SND1: variants seen among roughly 807,000 people sequenced by gnomAD.
SND1 encodes staphylococcal nuclease domain-containing protein 1.
Under a neutral mutation model 121.7 loss-of-function variants are expected in SND1, and 38 were observed. That is an observed-to-expected ratio of 0.31 (90% CI 0.24 to 0.41). The LOEUF (loss-of-function observed/expected upper bound fraction) is 0.41, where lower values mean the gene tolerates loss of function less well. Among genes scored for constraint, SND1 ranks in the 10% least tolerant of loss-of-function variants. SND1 has a pLI of 1.00. For synonymous variants in SND1, 401 were observed against 447.4 expected (o/e 0.90, Z 1.31); for missense variants, 868 against 1,184.6 (o/e 0.73, Z 3.92).
At chr7:128,034,769 A>G (rs1160272679) in intron 16 of SND1, among the ~76,000 whole-genome samples, 3 of 152,196 alleles carry the variant, frequency 2.0e-5, no homozygotes, top group Non-Finnish European at 4.4e-5. Context: ...CCAGGAAAGC[A>G]CCACTGAACC....
At chr7:128,005,572 G>A (rs1802953903) in intron 16 of SND1, among the ~76,000 whole-genome samples, 1 of 152,186 alleles carries the variant, frequency 6.6e-6, no homozygotes, top group African/African-American at 2.4e-5. Context: ...CATTTGTCAT[G>A]AGCTATCCAT....
intron 12 of SND1, among the ~76,000 whole-genome samples, chr7:127,883,508 A>G (rs999499352): frequency 2.0e-5 from 3 of 152,150 alleles, no homozygotes; most frequent in Non-Finnish European, 4.4e-5. Context: ...CTGTACAAAG[A>G]GCATACCTTT....
intron 12 of SND1, among the ~76,000 whole-genome samples, chr7:127,852,188 AAAATAAAAT>A (rs1182074298): frequency 6.6e-6 from 1 of 151,388 alleles, no homozygotes; most frequent in Non-Finnish European, 1.5e-5. Flanking sequence ...TAAATAAAAT[AAAATAAAAT>A]AAATAAAAAA....
chr7:127,853,622 G>A (rs1052420236), intron 12 of SND1, among the ~76,000 whole-genome samples: 1 of 152,188 alleles, frequency 6.6e-6, no homozygotes, highest in Admixed American at 6.5e-5. Flanking sequence ...CCTGCTGGTA[G>A]AGATTTTACT....
At chr7:127,816,532 A>G (rs1402738428) in intron 11 of SND1, among the ~76,000 whole-genome samples, 1 of 152,122 alleles carries the variant, frequency 6.6e-6, no homozygotes, top group Non-Finnish European at 1.5e-5. Context: ...GTATTTGCTC[A>G]ATAGTTGGTG....
At chr7:127,791,424 A>T (rs1227340898) in intron 10 of SND1, among the ~76,000 whole-genome samples, 1 of 152,228 alleles carries the variant, frequency 6.6e-6, no homozygotes, top group Admixed American at 6.5e-5. Context: ...AACTGCTGGG[A>T]TTAAAGGCAT....
chr7:127,941,999 A>G (rs561172245), intron 15 of SND1, among the ~76,000 whole-genome samples: 3 of 149,470 alleles, frequency 2.0e-5, no homozygotes, highest in Non-Finnish European at 3.0e-5. Context: ...AAATAGGCAT[A>G]TTGCGTAGAG....
At chr7:127,940,978 G>GGAAGCCCAAGGAGCTGCTCT (rs984754346) in intron 15 of SND1, among the ~76,000 whole-genome samples, 3 of 152,240 alleles carry the variant, frequency 2.0e-5, no homozygotes, top group African/African-American at 4.8e-5. Flanking sequence ...GGGGCTCTGA[G>GGAAGCCCAAGGAGCTGCTCT]GAAGCCCAAG....
intron 15 of SND1, among the ~76,000 whole-genome samples, chr7:127,935,126 G>T (rs1022673535): frequency 6.6e-6 from 1 of 152,134 alleles, no homozygotes; most frequent in East Asian, 1.9e-4. Flanking sequence ...CATCAGAGTT[G>T]AGTTGATTAA....
chr7:128,056,562 G>A (rs1348560845), intron 16 of SND1, among the ~76,000 whole-genome samples: 2 of 152,170 alleles, frequency 1.3e-5, no homozygotes, highest in African/African-American at 4.8e-5. Context: ...TGTGTGTCAG[G>A]CGCCATGCTA....
chr7:127,826,088 G>A (rs1798638305), intron 11 of SND1, among the ~76,000 whole-genome samples: 1 of 152,310 alleles, frequency 6.6e-6, no homozygotes, highest in South Asian at 2.1e-4. Context: ...CTACTTGGGA[G>A]GCTGAGGCAG....
chr7:127,882,156 G>A (rs1401053338), intron 12 of SND1, among the ~76,000 whole-genome samples: 1 of 151,880 alleles, frequency 6.6e-6, no homozygotes, highest in Admixed American at 6.6e-5. Context: ...TCAGGGGGCT[G>A]GGGTAGGAGG....
chr7:127,777,523 A>G (rs1445751937), intron 10 of SND1, among the ~76,000 whole-genome samples: 1 of 152,214 alleles, frequency 6.6e-6, no homozygotes, highest in Non-Finnish European at 1.5e-5. Context: ...TTGGGGATGG[A>G]GACAAGGTCA....
At chr7:127,984,301 C>T (rs1398571389) in intron 15 of SND1, among the ~76,000 whole-genome samples, 1 of 152,198 alleles carries the variant, frequency 6.6e-6, no homozygotes, top group South Asian at 2.1e-4. Flanking sequence ...TGTAGTTAAA[C>T]CACGTTCTCT....
chr7:127,971,003 T>A (rs574540433), intron 15 of SND1, among the ~76,000 whole-genome samples: 10 of 152,320 alleles, frequency 6.6e-5, no homozygotes, highest in Non-Finnish European at 1.3e-4. Context: ...GGCCCCAGTG[T>A]GGATTGCCAT....
intron 15 of SND1, among the ~76,000 whole-genome samples, chr7:127,958,008 C>T (rs1233020779): frequency 6.6e-6 from 1 of 152,186 alleles, no homozygotes; most frequent in African/African-American, 2.4e-5. Context: ...AGCCTAGCCG[C>T]AGTTAATTGG....
intron 10 of SND1, among the ~76,000 whole-genome samples, chr7:127,797,364 GT>G (rs1271859091): frequency 6.6e-6 from 1 of 152,236 alleles, no homozygotes; most frequent in Non-Finnish European, 1.5e-5. Context: ...TGATTTCAAG[GT>G]TGAGGGCAGC....
At chr7:128,066,995 A>C (rs921989530) in intron 16 of SND1, among the ~76,000 whole-genome samples, 10 of 152,152 alleles carry the variant, frequency 6.6e-5, no homozygotes, top group African/African-American at 2.4e-4. Context: ...CCCCCCTGCA[A>C]GTTCTCCTAC....
chr7:127,771,642 A>G (rs1202794170), intron 10 of SND1, among the ~76,000 whole-genome samples: 1 of 152,178 alleles, frequency 6.6e-6, no homozygotes, highest in Non-Finnish European at 1.5e-5. Context: ...GCACCCCCCT[A>G]TACACATACA....
Sources: allele counts gnomAD v4.1 joint callset (sites outside exome capture counted in the v4.1 genomes callset), GRCh38; gene constraint gnomAD v4.1.1; transcripts MANE v1.5; gene names NCBI Gene and HGNC (gene_info 2026-07-23, HGNC 2026-07-21).